Variants in RIN2 observed in about 807,000 individuals in gnomAD.
RIN2 encodes RAB5 interacting protein 2.
In RIN2, 36 loss-of-function variants were observed where a neutral mutation model predicts 78.0. The observed-to-expected ratio is 0.46, with a 90% confidence interval of 0.35 to 0.61. The LOEUF is 0.61. Ranked by LOEUF, RIN2 falls within the 20% of genes least tolerant of loss-of-function variation. RIN2 has a pLI of 0.00. For synonymous variants in RIN2, 466 were observed against 466.8 expected (o/e 1.00, Z 0.02); for missense variants, 1,087 against 1,159.7 (o/e 0.94, Z 0.91).
At chr20:19,768,670 C>G (rs116061354) in intron 1 of RIN2, among the ~76,000 whole-genome samples, 2 of 152,158 alleles carry the variant, frequency 1.3e-5, no homozygotes, top group Non-Finnish European at 2.9e-5. Flanking sequence ...ATTGTCATTT[C>G]TTGTGACCTC....
chr20:19,876,762 G>A (rs1187616551), intron 2 of RIN2, among the ~76,000 whole-genome samples: 2 of 152,034 alleles, frequency 1.3e-5, no homozygotes, highest in African/African-American at 2.4e-5. Context: ...AAAATTATCT[G>A]GGTGTGGTGG....
Position 19,960,723 on chromosome 20 carries a change from C to T in RIN2, c.375C>T (p.Thr125=), listed in dbSNP as rs45481396. The T allele has an allele frequency of 0.024, 37,716 of 1,600,628 alleles. 542 individuals are homozygous for T. Among genetic ancestry groups the T allele is most frequent in the Middle Eastern group, 0.046 (278 of 6,040 alleles). The change falls in exon 6 of 13, where the codon ACC becomes ACT. Residue 125 remains threonine, a synonymous_variant. Coordinates refer to ENST00000255006, the MANE Select transcript of RIN2 (RefSeq NM_018993.4). ...AGATCTTCCTGGTTCATAAATCTACCAAGATGCAGAAGAAAGTCCTCTCCC... is the reference window on the plus strand; with the variant it reads ...AGATCTTCCTGGTTCATAAATCTACTAAGATGCAGAAGAAAGTCCTCTCCC... ...PPGIFLVHKS[T]KMQKKVLSLR... is the part of the protein sequence containing the mutation.
intron 1 of RIN2, among the ~76,000 whole-genome samples, chr20:19,786,604 C>A (rs2122575499): frequency 6.6e-6 from 1 of 152,210 alleles, no homozygotes; most frequent in Non-Finnish European, 1.5e-5. Context: ...GAAACCATGG[C>A]AATAATAAAA....
chr20:19,928,450 C>T (rs1458638870), intron 3 of RIN2, among the ~76,000 whole-genome samples: 2 of 152,216 alleles, frequency 1.3e-5, no homozygotes, highest in East Asian at 1.9e-4. Context: ...CTCGAAATTG[C>T]ACAAGTTGCT....
intron 9 of RIN2, among the ~76,000 whole-genome samples, chr20:19,977,130 C>T (rs6046496): frequency 0.019 from 2,851 of 152,226 alleles, 95 homozygotes; most frequent in African/African-American, 0.066. Context: ...GAGACCATAT[C>T]TGACTCAGTA....
intron 2 of RIN2, among the ~76,000 whole-genome samples, chr20:19,828,907 G>T (rs2036173687): frequency 6.6e-6 from 1 of 152,092 alleles, no homozygotes; most frequent in South Asian, 2.1e-4. Flanking sequence ...TTGCTAACTG[G>T]CTTCCTGCTA....
intron 8 of RIN2, among the ~76,000 whole-genome samples, chr20:19,973,363 T>A (rs368345645): frequency 9.9e-5 from 15 of 152,092 alleles, no homozygotes; most frequent in African/African-American, 3.1e-4. Context: ...ATAAGGCAGG[T>A]GACACGGCTG....
intron 12 of RIN2, among the ~76,000 whole-genome samples, chr20:19,997,490 G>T (rs1193957062): frequency 6.6e-6 from 1 of 152,160 alleles, no homozygotes; most frequent in African/African-American, 2.4e-5. Context: ...CAGGCATCAG[G>T]GCTCACGCCT....
intron 11 of RIN2, among the ~76,000 whole-genome samples, chr20:19,992,606 C>T (rs2042830463): frequency 6.6e-6 from 1 of 152,026 alleles, no homozygotes; most frequent in Admixed American, 6.5e-5. Context: ...AAAAGTAATA[C>T]ACACTCGTGG....
Position 19,784,996 on chromosome 20 carries a change from C to A in RIN2, c.-162-14626C>A, listed in dbSNP as rs530215517. Among the ~76,000 whole-genome samples the A allele has an allele frequency of 3.3e-5, 5 of 152,216 alleles. No individual in the cohort carries two copies. In the South Asian group the frequency reaches 1.0e-3, roughly 32 times the overall value. On this transcript the variant is annotated intron_variant, in intron 1 of 12. Coordinates refer to ENST00000255006, the MANE Select transcript of RIN2 (RefSeq NM_018993.4). ...AGGGTCCTTCAGAGATCAAAGAAAA[C>A]CGCAAAATCAGACATGCTTCCCCTC...
At position 19,859,899 on chromosome 20, in the gene RIN2, A is replaced by G. The variant is rs189825465; in HGVS notation, c.-36-29667A>G. On this transcript the variant is annotated intron_variant, in intron 2 of 12. Coordinates refer to ENST00000255006, the MANE Select transcript of RIN2 (RefSeq NM_018993.4). ...GTGGTTTATTTGGGAGATGATCCCCAGAAGCATCACTGGGGGATCTTGGAA... is the reference window on the plus strand; with the variant it reads ...GTGGTTTATTTGGGAGATGATCCCCGGAAGCATCACTGGGGGATCTTGGAA... 1.0e-3 allele frequency among the ~76,000 whole-genome samples: 155 copies of G among 152,362 alleles called. 2 individuals carry two copies. In the South Asian group the frequency reaches 0.013, roughly 13 times the overall value.
intron 4 of RIN2, among the ~76,000 whole-genome samples, chr20:19,936,086 G>T (rs992196504): frequency 6.6e-6 from 1 of 152,182 alleles, no homozygotes; most frequent in Non-Finnish European, 1.5e-5. Flanking sequence ...GACTAGTTCC[G>T]CCATACGCTG....
chr20:19,939,188 C>T (rs199545), intron 4 of RIN2, among the ~76,000 whole-genome samples: 2,107 of 152,318 alleles, frequency 0.014, 45 homozygotes, highest in African/African-American at 0.049. Context: ...GCTGGGATTA[C>T]AGGCATGTGC....
intron 2 of RIN2, among the ~76,000 whole-genome samples, chr20:19,868,623 G>T (rs932293627): frequency 6.6e-6 from 1 of 152,130 alleles, no homozygotes; most frequent in Non-Finnish European, 1.5e-5. Flanking sequence ...ATCCTGTAGG[G>T]GCACACAGCC....
chr20:19,940,961 G>T (rs999603492), intron 4 of RIN2, among the ~76,000 whole-genome samples: 4 of 152,190 alleles, frequency 2.6e-5, no homozygotes, highest in African/African-American at 4.8e-5. Flanking sequence ...GCTAGAGCAG[G>T]TCAGTGAGAA....
Position 19,881,257 on chromosome 20 carries a change from C to A in RIN2, c.-36-8309C>A, listed in dbSNP as rs532184955. Among the ~76,000 whole-genome samples, 8 of 152,278 alleles carry A rather than the reference C, an allele frequency of 5.3e-5. No homozygotes were observed. In the South Asian group the frequency reaches 6.2e-4, roughly 12 times the overall value. ...GTCACACTGGTAGCTTGAAACCAGC[C>A]ATGATGGGAGTATTTACACCACAAA... On this transcript the variant is annotated intron_variant, in intron 2 of 12. Coordinates refer to ENST00000255006, the MANE Select transcript of RIN2 (RefSeq NM_018993.4).
chr20:19,856,624 AGAAG>A (rs369374955), intron 2 of RIN2, among the ~76,000 whole-genome samples: 13 of 149,280 alleles, frequency 8.7e-5, no homozygotes, highest in East Asian at 2.0e-4. Flanking sequence ...AAGGAAGGAA[AGAAG>A]GAAGGAAGGA....
intron 2 of RIN2, among the ~76,000 whole-genome samples, chr20:19,880,509 C>T (rs1361483447): frequency 6.9e-6 from 1 of 144,594 alleles, no homozygotes; most frequent in East Asian, 2.2e-4. Context: ...GATTCTTCCA[C>T]ATCATCCTCC....
intron 3 of RIN2, among the ~76,000 whole-genome samples, chr20:19,915,733 A>G (rs950689876): frequency 6.6e-6 from 1 of 152,164 alleles, no homozygotes; most frequent in Non-Finnish European, 1.5e-5. Context: ...TTATAATCCA[A>G]ATTCCCTTTT....
Sources: allele counts gnomAD v4.1 joint callset (sites outside exome capture counted in the v4.1 genomes callset), GRCh38; gene constraint gnomAD v4.1.1; transcripts MANE v1.5; gene names NCBI Gene and HGNC (gene_info 2026-07-23, HGNC 2026-07-21).